The following SDK1 variants were observed in gnomAD, a reference collection of about 807,000 sequenced individuals.
SDK1 encodes the protein protein sidekick-1.
Under a neutral mutation model 245.5 loss-of-function variants are expected in SDK1, and 157 were observed. That is an observed-to-expected ratio of 0.64 (90% CI 0.56 to 0.73). The LOEUF is 0.73. SDK1 is among the 30% of genes least tolerant of loss of function. The probability of loss-of-function intolerance (pLI) is 0.00; values close to 1 mark genes in which losing one functional copy is unlikely to be tolerated. For synonymous variants in SDK1, 1,647 were observed against 1,278.5 expected, an observed-to-expected ratio of 1.29 and a Z score of -6.15; for missense variants, 3,583 against 3,002.3, an observed-to-expected ratio of 1.19 and a Z score of -4.52.
chr7:3,739,837 T>C (rs115292670), intron 4 of SDK1, among the ~76,000 whole-genome samples: 3 of 152,338 alleles, frequency 2.0e-5, no homozygotes, highest in East Asian at 3.9e-4. Context: ...ATTTCATAAA[T>C]GTTTTTTAAC....
intron 1 of SDK1, among the ~76,000 whole-genome samples, chr7:3,587,406 T>C (rs1445308329): frequency 6.6e-6 from 1 of 151,796 alleles, no homozygotes; most frequent in African/African-American, 2.4e-5. Flanking sequence ...AGCTGCAAAG[T>C]GGAGACCCAG....
intron 1 of SDK1, among the ~76,000 whole-genome samples, chr7:3,466,979 TACACACACACACACACA>T (rs1186518302): frequency 2.0e-4 from 25 of 127,594 alleles, no homozygotes; most frequent in Non-Finnish European, 2.8e-4. Flanking sequence ...TCTCTCTCTC[TACACACACACACACACA>T]CACACACACA....
intron 9 of SDK1, among the ~76,000 whole-genome samples, chr7:3,966,608 C>G (rs1443949176): frequency 6.6e-6 from 1 of 152,090 alleles, no homozygotes; most frequent in Non-Finnish European, 1.5e-5. Context: ...GTTATTTTAA[C>G]TCTCAGAACA....
chr7:3,404,131 C>G (rs1429966928), intron 1 of SDK1, among the ~76,000 whole-genome samples: 1 of 151,604 alleles, frequency 6.6e-6, no homozygotes, highest in African/African-American at 2.4e-5. Context: ...TGAGCTGATG[C>G]TATTGGAAAA....
At chr7:3,826,210 T>A (rs1779770679) in intron 5 of SDK1, among the ~76,000 whole-genome samples, 1 of 152,186 alleles carries the variant, frequency 6.6e-6, no homozygotes, top group Admixed American at 6.5e-5. Context: ...GAGCATTTAC[T>A]CCTTATGCAT....
intron 15 of SDK1, 57 bp from the exon 16 acceptor site, chr7:4,012,038 G>GGC: frequency 7.5e-7 from 1 of 1,331,132 alleles, no homozygotes; most frequent in Non-Finnish European, 9.8e-7. Context: ...AATGCAAATG[G>GGC]GCCCCCGCTG....
intron 35 of SDK1, among the ~76,000 whole-genome samples, chr7:4,186,346 G>A (rs945069706): frequency 7.2e-5 from 11 of 152,242 alleles, no homozygotes; most frequent in African/African-American, 2.2e-4. Context: ...AGGGCCCTCC[G>A]ACACCCACCC....
intron 5 of SDK1, among the ~76,000 whole-genome samples, chr7:3,923,734 C>T (rs118085748): frequency 1.3e-5 from 2 of 152,376 alleles, no homozygotes; most frequent in East Asian, 1.9e-4. Flanking sequence ...CTCATGGCAA[C>T]ATCTGTGCAC....
chr7:3,660,819 A>G (rs1270966850), intron 4 of SDK1, among the ~76,000 whole-genome samples: 3 of 152,196 alleles, frequency 2.0e-5, no homozygotes, highest in African/African-American at 4.8e-5. Context: ...GAACTTATTT[A>G]TCTTTGAGAG....
At chr7:3,820,911 G>C (rs1313206968) in intron 4 of SDK1, among the ~76,000 whole-genome samples, 1 of 152,232 alleles carries the variant, frequency 6.6e-6, no homozygotes, top group Non-Finnish European at 1.5e-5. Context: ...GTGGCCTGGA[G>C]TTAATAATGA....
chr7:3,856,474 G>A (rs1386131381), intron 5 of SDK1, among the ~76,000 whole-genome samples: 3 of 115,790 alleles, frequency 2.6e-5, no homozygotes, highest in Non-Finnish European at 5.1e-5. Context: ...AGCCTTTCAG[G>A]TAATGTTAAA....
At chr7:3,865,250 G>C (rs1470561864) in intron 5 of SDK1, among the ~76,000 whole-genome samples, 1 of 152,196 alleles carries the variant, frequency 6.6e-6, no homozygotes, top group Non-Finnish European at 1.5e-5. Context: ...GAGTGTGGGA[G>C]GCCTGGTGAT....
At chr7:3,376,001 A>G (rs1444975630) in intron 1 of SDK1, among the ~76,000 whole-genome samples, 1 of 152,176 alleles carries the variant, frequency 6.6e-6, no homozygotes, top group Non-Finnish European at 1.5e-5. Context: ...AATTGGGGAA[A>G]AAATAAGTTG....
chr7:3,680,922 A>G (rs1341293446), intron 4 of SDK1, among the ~76,000 whole-genome samples: 1 of 152,134 alleles, frequency 6.6e-6, no homozygotes, highest in Non-Finnish European at 1.5e-5. Context: ...GGCTCACTGC[A>G]ACCTCCACCT....
intron 1 of SDK1, among the ~76,000 whole-genome samples, chr7:3,453,017 C>T (rs910837446): frequency 4.6e-5 from 7 of 152,294 alleles, no homozygotes; most frequent in Middle Eastern, 3.4e-3. Flanking sequence ...CTGCCATCCC[C>T]GTCTTGCCAT....
chr7:3,369,263 C>T (rs1031103553), intron 1 of SDK1, among the ~76,000 whole-genome samples: 2 of 152,058 alleles, frequency 1.3e-5, no homozygotes, highest in African/African-American at 4.8e-5. Context: ...CGAGGCTGGT[C>T]TCAAACTCCT....
intron 17 of SDK1, among the ~76,000 whole-genome samples, chr7:4,018,674 G>T (rs1309679732): frequency 6.6e-6 from 1 of 152,182 alleles, no homozygotes; most frequent in African/African-American, 2.4e-5. Flanking sequence ...CGGTGCATTT[G>T]AGTTCTGCAT....
At chr7:3,427,928 C>T (rs754783935) in intron 1 of SDK1, among the ~76,000 whole-genome samples, 6 of 150,808 alleles carry the variant, frequency 4.0e-5, no homozygotes, top group Non-Finnish European at 5.9e-5. Flanking sequence ...ATGTCATTCC[C>T]ATAGTCAGCT....
chr7:3,443,560 G>GT (rs1267984946), intron 1 of SDK1, among the ~76,000 whole-genome samples: 1 of 152,192 alleles, frequency 6.6e-6, no homozygotes, highest in Non-Finnish European at 1.5e-5. Flanking sequence ...ATGATGACTA[G>GT]TTACAAAATC....
Sources: allele counts gnomAD v4.1 joint callset (sites outside exome capture counted in the v4.1 genomes callset), GRCh38; gene constraint gnomAD v4.1.1; transcripts MANE v1.5; gene names NCBI Gene and HGNC (gene_info 2026-07-23, HGNC 2026-07-21).